Variants in ADGRL2 observed in about 807,000 individuals in gnomAD.
ADGRL2 encodes the protein adhesion G protein-coupled receptor L2.
ADGRL2 carries 44 observed loss-of-function variants against 157.4 expected under a neutral mutation model. The observed-to-expected ratio is 0.28, with a 90% CI of 0.22 to 0.36. ADGRL2 has a LOEUF of 0.36. ADGRL2 is among the 10% of genes least tolerant of loss of function. The pLI is 1.00. For missense variants in ADGRL2, 1,510 were observed against 1,768.9 expected (o/e 0.85, Z 2.63); for synonymous variants, 585 against 624.7 (o/e 0.94, Z 0.95).
intron 1 of ADGRL2, among the ~76,000 whole-genome samples, chr1:81,703,726 T>C (rs2083645880): frequency 1.3e-5 from 2 of 152,342 alleles, no homozygotes; most frequent in South Asian, 4.1e-4. Context: ...AAACTGGTTA[T>C]TATAAAGTTT....
chr1:81,690,817 T>C (rs2148989098), intron 3 of ADGRL2, among the ~76,000 whole-genome samples: 1 of 152,332 alleles, frequency 6.6e-6, no homozygotes, highest in East Asian at 1.9e-4. Flanking sequence ...GTGATTCATT[T>C]CACTCTTGCT....
chr1:81,306,641 T>C (rs1327905672), intron 1 of ADGRL2: 1 of 152,208 alleles, frequency 6.6e-6, no homozygotes, highest in African/African-American at 2.4e-5. Context: ...CCTCACGCTT[T>C]TGTTACTTAA....
In ADGRL2 at chr1:81,571,435, G is replaced by GTA. The variant is rs553906421; in HGVS notation, c.-247-9432_-247-9431dup. Among the ~76,000 whole-genome samples, 280 of 147,610 alleles carry GTA rather than the reference G, an allele frequency of 1.9e-3. 2 individuals are homozygous for GTA. Among genetic ancestry groups the GTA allele is most frequent in the African/African-American group, 6.2e-3 (249 of 40,458 alleles). On this transcript the variant is annotated intron_variant, in intron 2 of 24. Coordinates refer to the ADGRL2 transcript ENST00000370721. The stretch of plus-strand genomic sequence containing the variant: ...TATATGTATATATATGTGTGTGTGT[G>GTA]TATATATATACACACACATATATAT...
intron 1 of ADGRL2, among the ~76,000 whole-genome samples, chr1:81,833,869 A>G (rs2092114136): frequency 3.3e-5 from 5 of 152,212 alleles, no homozygotes. Flanking sequence ...GTAATGATGC[A>G]TTAACGGACT....
chr1:81,381,624 G>A (rs1284021943), intron 1 of ADGRL2, among the ~76,000 whole-genome samples: 1 of 152,060 alleles, frequency 6.6e-6, no homozygotes, highest in African/African-American at 2.4e-5. Context: ...GTATTTTCAT[G>A]AAGAGTGTCT....
intron 1 of ADGRL2, among the ~76,000 whole-genome samples, chr1:81,343,714 G>T (rs1662257476): frequency 6.6e-6 from 1 of 152,086 alleles, no homozygotes; most frequent in Non-Finnish European, 1.5e-5. Context: ...GACAGAGAGA[G>T]AGAGAGAAAG....
chr1:81,639,954 G>A (rs1415264265), intron 3 of ADGRL2, among the ~76,000 whole-genome samples: 2 of 152,114 alleles, frequency 1.3e-5, no homozygotes, highest in African/African-American at 4.8e-5. Context: ...GTATTATAGA[G>A]CAGATGACAT....
intron 2 of ADGRL2, among the ~76,000 whole-genome samples, chr1:81,469,215 G>C (rs1221585388): frequency 6.6e-6 from 1 of 152,154 alleles, no homozygotes; most frequent in Non-Finnish European, 1.5e-5. Context: ...TTGATATCCA[G>C]CAAAATTTGA....
intron 1 of ADGRL2, chr1:81,426,648 T>C (rs2077222328): frequency 2.1e-6 from 1 of 470,404 alleles, no homozygotes; most frequent in African/African-American, 2.0e-5. Context: ...ACAGATTGTA[T>C]GGTAATGAGA....
At chr1:81,770,771 G>A (rs1178834431) in intron 2 of ADGRL2, among the ~76,000 whole-genome samples, 1 of 152,164 alleles carries the variant, frequency 6.6e-6, no homozygotes, top group Non-Finnish European at 1.5e-5. Flanking sequence ...ACAGCGCCCG[G>A]CCAATAATGT....
At chr1:81,450,207 T>C (rs1455483800) in intron 2 of ADGRL2, among the ~76,000 whole-genome samples, 1 of 152,166 alleles carries the variant, frequency 6.6e-6, no homozygotes, top group African/African-American at 2.4e-5. Context: ...GAGATCATTC[T>C]CTTATTAATA....
At chr1:81,532,816 A>T (rs957765711) in intron 2 of ADGRL2, among the ~76,000 whole-genome samples, 1 of 152,084 alleles carries the variant, frequency 6.6e-6, no homozygotes, top group African/African-American at 2.4e-5. Flanking sequence ...GCCACTCGGG[A>T]GGCAAAGGTG....
At chr1:81,669,063 A>G (rs1248039779) in intron 3 of ADGRL2, among the ~76,000 whole-genome samples, 2 of 151,722 alleles carry the variant, frequency 1.3e-5, no homozygotes, top group Non-Finnish European at 2.9e-5. Flanking sequence ...TTTTATCTCT[A>G]CCTTATTCTC....
chr1:81,331,048 GC>G (rs1469601902), intron 1 of ADGRL2, among the ~76,000 whole-genome samples: 2 of 152,170 alleles, frequency 1.3e-5, no homozygotes, highest in African/African-American at 4.8e-5. Context: ...CTGGCACAGT[GC>G]CTGGTAAATT....
At chr1:81,790,187 T>C (rs986668547) in intron 2 of ADGRL2, among the ~76,000 whole-genome samples, 1 of 152,072 alleles carries the variant, frequency 6.6e-6, no homozygotes, top group African/African-American at 2.4e-5. Flanking sequence ...CATTTCAGTT[T>C]TTCTGAATTC....
chr1:81,340,156 G>A (rs992125210), intron 1 of ADGRL2, among the ~76,000 whole-genome samples: 1 of 152,134 alleles, frequency 6.6e-6, no homozygotes, highest in Admixed American at 6.5e-5. Flanking sequence ...TTATTGGGAA[G>A]CTATGTGTTA....
intron 2 of ADGRL2, among the ~76,000 whole-genome samples, chr1:81,513,182 C>A (rs1160781472): frequency 2.6e-5 from 4 of 152,058 alleles, no homozygotes; most frequent in African/African-American, 9.7e-5. Context: ...TTTTCATTTT[C>A]TAATTATCCC....
intron 1 of ADGRL2, among the ~76,000 whole-genome samples, chr1:81,814,534 A>C (rs191467710): frequency 4.0e-5 from 6 of 151,636 alleles, no homozygotes; most frequent in Admixed American, 3.9e-4. Context: ...GTGTATGAAG[A>C]GTCTAGAATG....
At chr1:81,351,436 T>C (rs1289420531) in intron 1 of ADGRL2, among the ~76,000 whole-genome samples, 1 of 152,162 alleles carries the variant, frequency 6.6e-6, no homozygotes, top group African/African-American at 2.4e-5. Context: ...TCCAATTTGA[T>C]TCTAGAATCT....
Sources: allele counts gnomAD v4.1 joint callset (sites outside exome capture counted in the v4.1 genomes callset), GRCh38; gene constraint gnomAD v4.1.1; transcripts MANE v1.5; gene names NCBI Gene and HGNC (gene_info 2026-07-23, HGNC 2026-07-21).